The following REPS1 variants were observed in gnomAD, a reference collection of about 807,000 sequenced individuals.
REPS1 encodes the protein RALBP1 associated Eps domain containing 1, also known as ralBP1-associated Eps domain-containing protein 1.
A neutral mutation model predicts 100.9 loss-of-function variants in REPS1; 39 were observed. The observed-to-expected ratio is 0.39, with a 90% CI of 0.30 to 0.50. REPS1 has a LOEUF of 0.50. Ranked by LOEUF, REPS1 falls within the 20% of genes least tolerant of loss-of-function variation. The pLI is 0.86. For synonymous variants in REPS1, 324 were observed against 340.3 expected (o/e 0.95, Z 0.53); for missense variants, 821 against 968.5 (o/e 0.85, Z 2.02).
chr6:138,925,472 C>G (rs772312367), intron 10 of REPS1, among the ~76,000 whole-genome samples: 2 of 152,068 alleles, frequency 1.3e-5, no homozygotes, highest in Admixed American at 6.5e-5. Flanking sequence ...ATGACAAGAC[C>G]ATTTTTACAT....
intron 8 of REPS1, among the ~76,000 whole-genome samples, chr6:138,935,050 C>CA (rs1044852198): frequency 6.6e-6 from 1 of 152,096 alleles, no homozygotes; most frequent in African/African-American, 2.4e-5. Context: ...TTATATGCAT[C>CA]AAAAAACTAG....
intron 17 of REPS1, among the ~76,000 whole-genome samples, chr6:138,909,460 G>A (rs1779868436): frequency 1.3e-5 from 2 of 152,268 alleles, no homozygotes; most frequent in Admixed American, 6.5e-5. Context: ...ATTTGTTACT[G>A]TGAGTTGACA....
intron 1 of REPS1, among the ~76,000 whole-genome samples, chr6:138,951,530 G>T (rs1303525203): frequency 1.3e-5 from 2 of 152,040 alleles, no homozygotes; most frequent in Admixed American, 6.6e-5. Context: ...CACAATCTTA[G>T]AACAATTAAG....
At position 138,945,551 on chromosome 6, in the gene REPS1, C is replaced by T; in HGVS notation, c.424G>A (p.Gly142Arg). The change falls in exon 3 of 20, where the codon GGA becomes AGA. Residue 142 changes from glycine to arginine, a missense_variant. Gly to Arg is a moderately radical substitution (Grantham distance 125). Transcript: ENST00000450536. The stretch of plus-strand genomic sequence containing the variant: ...TGAACCGTATCATGGCTTACGGATC[C>T]CTTTTTCACTTGCCCCCTGCCAGGT... ...PPPGRGQVKK[G>R]SVSHDTVQPR... 1 of 1,611,942 alleles carries T rather than the reference C, an allele frequency of 6.2e-7. No individual in the cohort carries two copies. The highest frequency in any genetic ancestry group is 8.5e-7 in the Non-Finnish European group (1 of 1,179,372).
chr6:138,966,001 G>A (rs1177006550), intron 1 of REPS1, among the ~76,000 whole-genome samples: 5 of 152,152 alleles, frequency 3.3e-5, no homozygotes, highest in African/African-American at 7.2e-5. Flanking sequence ...AGCCCAGAAG[G>A]ACAGAGATTT....
At position 138,961,355 on chromosome 6, in the gene REPS1, G is replaced by C. The variant is rs370222264; in HGVS notation, c.154-13442C>G. ...GGGTTCACGTCATTCTCCCGCCTCA[G>C]CCTCCCTAGTAGCTGGGATTACAGA... On this transcript the variant is annotated intron_variant, in intron 1 of 19. Transcript: ENST00000450536. Among the ~76,000 whole-genome samples the C allele has an allele frequency of 4.4e-4, 67 of 152,178 alleles. No individual in the cohort carries two copies. In the South Asian group the frequency reaches 0.013, roughly 31 times the overall value.
chr6:138,915,797 T>G, intron 14 of REPS1, 61 bp downstream of exon 14: 1 of 1,161,512 alleles, frequency 8.6e-7, no homozygotes, highest in South Asian at 1.3e-5. Flanking sequence ...AAAATGTGTA[T>G]GTGTGTTGGA....
At chr6:138,917,183 C>T (rs1780456081) in intron 13 of REPS1, among the ~76,000 whole-genome samples, 1 of 152,190 alleles carries the variant, frequency 6.6e-6, no homozygotes, top group African/African-American at 2.4e-5. Flanking sequence ...GGGGAGGTGG[C>T]CCACCACTGG....
chr6:138,961,442 G>GTC (rs1458647041), intron 1 of REPS1, among the ~76,000 whole-genome samples: 1 of 151,940 alleles, frequency 6.6e-6, no homozygotes, highest in African/African-American at 2.4e-5. Flanking sequence ...ATCCAGGATG[G>GTC]TCTCGATCTC....
At chr6:138,974,551 C>T (rs931886659) in intron 1 of REPS1, among the ~76,000 whole-genome samples, 3 of 151,988 alleles carry the variant, frequency 2.0e-5, no homozygotes, top group Admixed American at 6.6e-5. Flanking sequence ...ATGTAAGGTG[C>T]CTTTGGGTTT....
chr6:138,966,521 G>A (rs916811961), intron 1 of REPS1, among the ~76,000 whole-genome samples: 5 of 152,126 alleles, frequency 3.3e-5, no homozygotes, highest in Non-Finnish European at 7.4e-5. Context: ...AACCCTATGA[G>A]GTAGGTACTG....
chr6:138,910,551 G>A (rs1582701496), intron 17 of REPS1, among the ~76,000 whole-genome samples: 1 of 151,998 alleles, frequency 6.6e-6, no homozygotes, highest in African/African-American at 2.4e-5. Flanking sequence ...ACGGGGTTTC[G>A]CCACATTGCC....
At chr6:138,935,428 C>T (rs937323192) in intron 8 of REPS1, among the ~76,000 whole-genome samples, 2 of 152,030 alleles carry the variant, frequency 1.3e-5, no homozygotes, top group African/African-American at 4.8e-5. Flanking sequence ...GATAGCTAAA[C>T]ATGGGAAAAA....
chr6:138,942,923 T>A (rs2128472919), intron 7 of REPS1, among the ~76,000 whole-genome samples: 1 of 151,890 alleles, frequency 6.6e-6, no homozygotes, highest in East Asian at 1.9e-4. Flanking sequence ...CCCGGCTAAT[T>A]TTTCTGTAGA....
At chr6:138,942,056 G>A (rs938057318) in intron 7 of REPS1, among the ~76,000 whole-genome samples, 1 of 151,830 alleles carries the variant, frequency 6.6e-6, no homozygotes, top group African/African-American at 2.4e-5. Flanking sequence ...TTTTGGCCAG[G>A]CTGGTCTCGA....
intron 10 of REPS1, 124 bp from the exon 11 acceptor site, chr6:138,921,248 A>G (rs557122559): frequency 1.6e-6 from 1 of 612,712 alleles, no homozygotes; most frequent in South Asian, 2.3e-5. Flanking sequence ...TAAGGCAGGC[A>G]TGAAAATAAG....
Position 138,903,621 on chromosome 6 carries a change from A to C in REPS1, c.*1443T>G, listed in dbSNP as rs1277208290. The C allele has an allele frequency of 6.6e-6, 1 of 152,264 alleles. No homozygotes were observed. The highest frequency in any genetic ancestry group is 1.5e-5 in the Non-Finnish European group (1 of 68,040). 9.4% of individuals were successfully genotyped at this position (152,264 alleles called of 1,614,324 possible). ...TATTTTAAAAAACAAAACTAAATGGAAACAGCAAAACTTGCTTGTAATGAA... is the reference window on the plus strand; with the variant it reads ...TATTTTAAAAAACAAAACTAAATGGCAACAGCAAAACTTGCTTGTAATGAA... On this transcript the variant is annotated 3_prime_UTR_variant, in exon 20 of 20. Transcript: ENST00000450536.
chr6:138,954,750 G>A (rs1783266195), intron 1 of REPS1, among the ~76,000 whole-genome samples: 2 of 152,108 alleles, frequency 1.3e-5, no homozygotes, highest in Admixed American at 6.5e-5. Flanking sequence ...TTAATCCCAA[G>A]GTATCCTATT....
At position 138,987,700 on chromosome 6, in the gene REPS1, G is replaced by A. The variant is rs763198824; in HGVS notation, c.-18C>T. On this transcript the variant is annotated 5_prime_UTR_variant, in exon 1 of 20. Transcript: ENST00000450536. Reference sequence around the variant, plus strand: ...CCTTCCATCTTCGCCTCCGGCTCACGGCCGCCCCGCCCCGCATGCACTACT... The same window carrying A: ...CCTTCCATCTTCGCCTCCGGCTCACAGCCGCCCCGCCCCGCATGCACTACT... 38 of 1,533,430 alleles carry A rather than the reference G, an allele frequency of 2.5e-5. No homozygotes were observed. The African/African-American group carries it at 3.2e-4, about 13-fold the overall frequency. The allele number at this position is 1,533,430 out of a possible 1,614,324, so 95.0% of individuals were successfully genotyped here.
Sources: allele counts gnomAD v4.1 joint callset (sites outside exome capture counted in the v4.1 genomes callset), GRCh38; gene constraint gnomAD v4.1.1; transcripts MANE v1.5; gene names NCBI Gene and HGNC (gene_info 2026-07-23, HGNC 2026-07-21).